Variants in GABRB2 observed in about 807,000 individuals in gnomAD.
GABRB2 encodes the protein gamma-aminobutyric acid receptor subunit beta-2.
A neutral mutation model predicts 54.7 loss-of-function variants in GABRB2; 16 were observed. That is an observed-to-expected ratio of 0.29 (90% CI 0.20 to 0.44). GABRB2 has a LOEUF of 0.44. Ranked by LOEUF, GABRB2 falls within the 20% of genes least tolerant of loss-of-function variation. GABRB2 has a pLI of 1.00. For synonymous variants in GABRB2, 244 were observed against 233.8 expected (o/e 1.04, Z -0.40); for missense variants, 355 against 644.0 (o/e 0.55, Z 4.86).
At chr5:161,429,166 G>A (rs1184155686) in intron 4 of GABRB2, among the ~76,000 whole-genome samples, 7 of 150,718 alleles carry the variant, frequency 4.6e-5, no homozygotes, top group Non-Finnish European at 7.4e-5. Flanking sequence ...GGCCAACATG[G>A]TGAAACCCCA....
At chr5:161,407,883 T>C (rs1040249976) in intron 5 of GABRB2, among the ~76,000 whole-genome samples, 63 of 152,042 alleles carry the variant, frequency 4.1e-4, no homozygotes, top group Admixed American at 2.6e-4. Flanking sequence ...TCAAGACCCA[T>C]TTAATTCTGC....
chr5:161,532,981 A>T (rs992277094), intron 3 of GABRB2, among the ~76,000 whole-genome samples: 1 of 152,122 alleles, frequency 6.6e-6, no homozygotes, highest in African/African-American at 2.4e-5. Context: ...CTTTTCTAAG[A>T]CACATGCCGA....
At chr5:161,413,600 G>A (rs1452638269) in intron 4 of GABRB2, among the ~76,000 whole-genome samples, 1 of 152,092 alleles carries the variant, frequency 6.6e-6, no homozygotes, top group African/African-American at 2.4e-5. Flanking sequence ...TGAATTGCCA[G>A]TAATATACAG....
At chr5:161,460,758 G>A (rs1020143280) in intron 3 of GABRB2, among the ~76,000 whole-genome samples, 3 of 151,568 alleles carry the variant, frequency 2.0e-5, no homozygotes, top group Admixed American at 1.3e-4. Context: ...CTGCTCTCAG[G>A]GAATTTAAAA....
At chr5:161,532,458 C>T (rs979974898) in intron 3 of GABRB2, among the ~76,000 whole-genome samples, 1 of 152,110 alleles carries the variant, frequency 6.6e-6, no homozygotes, top group African/African-American at 2.4e-5. Flanking sequence ...AACGCCATCT[C>T]GGACCTACTG....
chr5:161,353,635 A>G (rs1580909159), intron 5 of GABRB2, among the ~76,000 whole-genome samples: 1 of 152,014 alleles, frequency 6.6e-6, no homozygotes, highest in Non-Finnish European at 1.5e-5. Context: ...GTCTAAGACA[A>G]GTTGCCTAAA....
Position 161,392,756 on chromosome 5 carries a change from C to G in GABRB2, c.541+18219G>C, listed in dbSNP as rs545828562. ...CTATTCATAGTTCATGCTTCATTTA[C>G]AGAAACAGCTGTTTTTGAATATCTA... On this transcript the variant is annotated intron_variant, in intron 5 of 9. Transcript: ENST00000393959. Among the ~76,000 whole-genome samples the G allele has an allele frequency of 8.1e-4, 123 of 152,212 alleles. 1 individual carries two copies. Among genetic ancestry groups the G allele is most frequent in the African/African-American group, 2.9e-3 (119 of 41,534 alleles).
chr5:161,524,403 C>A (rs1009259859), intron 3 of GABRB2, among the ~76,000 whole-genome samples: 2 of 151,664 alleles, frequency 1.3e-5, no homozygotes, highest in African/African-American at 4.8e-5. Context: ...AGACAGACAA[C>A]ATCAATTTCT....
chr5:161,294,112 T>C lies in GABRB2; in HGVS notation c.1508A>G (p.Asn503Ser). 6.2e-7 allele frequency: 1 copy of C among 1,613,686 alleles called. No homozygotes were observed. Among genetic ancestry groups the C allele is most frequent in the Non-Finnish European group, 8.5e-7 (1 of 1,179,636 alleles). The change falls in exon 10 of 10, where the codon AAC (asparagine) becomes AGC (serine). Residue 503 changes from asparagine to serine, a missense_variant. Physicochemically the swap from Asn to Ser is conservative, Grantham distance 46 (BLOSUM62 1). Transcript: ENST00000393959. ...IFFPVVFSFF[N>S]IVYWLYYVN ...CACATAATAAAGCCAATAGACGATG[T>C]TGAAGAAGGAAAAAACCACTGGGAA...
intron 3 of GABRB2, among the ~76,000 whole-genome samples, chr5:161,501,568 G>A (rs1173663952): frequency 6.6e-6 from 1 of 152,080 alleles, no homozygotes; most frequent in Non-Finnish European, 1.5e-5. Flanking sequence ...AAGTGCTGGG[G>A]CTTAGCTTAC....
chr5:161,499,006 A>AC (rs979645469), intron 3 of GABRB2, among the ~76,000 whole-genome samples: 3 of 151,990 alleles, frequency 2.0e-5, no homozygotes, highest in Non-Finnish European at 2.9e-5. Context: ...TCGAATGTTT[A>AC]CCCCCACATC....
chr5:161,434,791 A>C (rs1757264347), intron 4 of GABRB2, among the ~76,000 whole-genome samples: 1 of 152,172 alleles, frequency 6.6e-6, no homozygotes, highest in South Asian at 2.1e-4. Flanking sequence ...GGTATCCTGG[A>C]GGCAAATAAG....
intron 3 of GABRB2, among the ~76,000 whole-genome samples, chr5:161,522,683 GT>G (rs1760152645): frequency 6.6e-6 from 1 of 151,280 alleles, no homozygotes; most frequent in African/African-American, 2.4e-5. Context: ...ATGGAACTAA[GT>G]TCCAGAAAAA....
chr5:161,531,626 A>C (rs944625851), intron 3 of GABRB2, among the ~76,000 whole-genome samples: 14 of 152,094 alleles, frequency 9.2e-5, no homozygotes, highest in African/African-American at 3.1e-4. Flanking sequence ...TGAGTGATCC[A>C]TGTTACATAC....
intron 5 of GABRB2, among the ~76,000 whole-genome samples, chr5:161,342,031 T>G (rs192273172): frequency 4.0e-5 from 6 of 149,740 alleles, no homozygotes; most frequent in African/African-American, 1.5e-4. Flanking sequence ...TCTCATTACT[T>G]TTTTAAACTT....
chr5:161,321,548 T>C (rs1758209964), intron 9 of GABRB2, among the ~76,000 whole-genome samples: 1 of 152,160 alleles, frequency 6.6e-6, no homozygotes, highest in Admixed American at 6.5e-5. Flanking sequence ...TATTACAATA[T>C]TATTTCCCAC....
At chr5:161,327,522 C>T (rs1260011906) in intron 8 of GABRB2, among the ~76,000 whole-genome samples, 2 of 152,040 alleles carry the variant, frequency 1.3e-5, no homozygotes, top group East Asian at 1.9e-4. Flanking sequence ...TAGGCTTTTA[C>T]GTCAGTGAAA....
intron 3 of GABRB2, among the ~76,000 whole-genome samples, chr5:161,542,212 C>T (rs1025772503): frequency 3.9e-5 from 6 of 152,054 alleles, no homozygotes; most frequent in East Asian, 1.9e-4. Flanking sequence ...CTGATCACCA[C>T]AGAAAATATA....
At chr5:161,344,521 A>T (rs9313881) in intron 5 of GABRB2, among the ~76,000 whole-genome samples, 4,116 of 148,550 alleles carry the variant, frequency 0.028, 117 homozygotes, top group African/African-American at 0.073. Context: ...TTGTTTTTTT[A>T]AAAAAAAAAG....
Sources: gnomAD v4.1 joint callset for allele counts (sites outside exome capture counted in the v4.1 genomes callset) on GRCh38, gnomAD v4.1.1 for gene constraint, MANE v1.5 for transcripts, NCBI Gene and HGNC (gene_info 2026-07-23, HGNC 2026-07-21) for gene names.